TNRC6B: variants seen among roughly 807,000 people sequenced by gnomAD.
TNRC6B encodes trinucleotide repeat-containing gene 6B protein.
Under a neutral mutation model 203.6 loss-of-function variants are expected in TNRC6B, and 52 were observed. The observed-to-expected ratio is 0.26, with a 90% CI of 0.20 to 0.32. TNRC6B has a LOEUF of 0.32. Ranked by LOEUF, TNRC6B falls within the 10% of genes least tolerant of loss-of-function variation. The probability of loss-of-function intolerance (pLI) is 1.00; values close to 1 mark genes in which losing one functional copy is unlikely to be tolerated. For synonymous variants in TNRC6B, 838 were observed against 845.7 expected (o/e 0.99, Z 0.16); for missense variants, 1,923 against 2,286.2 (o/e 0.84, Z 3.24).
chr22:40,098,842 C>T (rs2068209176), intron 1 of TNRC6B, among the ~76,000 whole-genome samples: 1 of 152,138 alleles, frequency 6.6e-6, no homozygotes, highest in South Asian at 2.1e-4. Flanking sequence ...ATCCTCCTGC[C>T]TCAGCCTCTC....
intron 1 of TNRC6B, chr22:40,107,121 T>A (rs1352281487): frequency 1.6e-6 from 1 of 617,830 alleles, no homozygotes; most frequent in Non-Finnish European, 2.9e-6. Context: ...ACTCTTAATT[T>A]TCATGTAGTC....
At chr22:40,230,483 G>C (rs2069853830) in intron 1 of TNRC6B, among the ~76,000 whole-genome samples, 2 of 151,562 alleles carry the variant, frequency 1.3e-5, no homozygotes, top group South Asian at 4.2e-4. Flanking sequence ...GTAACAATGG[G>C]ATTTCACCAT....
At chr22:40,248,854 C>T (rs1383978807) in intron 2 of TNRC6B, among the ~76,000 whole-genome samples, 15 of 152,096 alleles carry the variant, frequency 9.9e-5, no homozygotes. Flanking sequence ...TGATGCGTGG[C>T]CTTTGATCTT....
chr22:40,187,777 C>A (rs1404246201), intron 1 of TNRC6B, among the ~76,000 whole-genome samples: 3 of 152,090 alleles, frequency 2.0e-5, no homozygotes, highest in African/African-American at 7.2e-5. Flanking sequence ...CGACCTGGGC[C>A]AATTGAACGC....
intron 1 of TNRC6B, among the ~76,000 whole-genome samples, chr22:40,242,112 T>C (rs148188842): frequency 0.011 from 1,638 of 152,254 alleles, 16 homozygotes; most frequent in Middle Eastern, 0.017. Context: ...GGGTGCTAAG[T>C]GTGTTCATTG....
chr22:40,307,332 C>CAGAG (rs765377222), intron 15 of TNRC6B, among the ~76,000 whole-genome samples: 14 of 152,124 alleles, frequency 9.2e-5, no homozygotes, highest in Non-Finnish European at 1.8e-4. Flanking sequence ...CATCTTGGGG[C>CAGAG]AGAGAAGCTT....
rs2071419481 is a variant in TNRC6B at position 40,327,604 on chromosome 22, T to C, written c.*4363T>C. The C allele has an allele frequency of 6.6e-6, 1 of 152,494 alleles. No individual in the cohort carries two copies. Among genetic ancestry groups the C allele is most frequent in the African/African-American group, 2.4e-5 (1 of 41,454 alleles). The allele number at this position is 152,494 out of a possible 1,614,324, so 9.4% of individuals were successfully genotyped here. A position where few individuals can be genotyped will look rare whatever the true frequency, so the allele number is the denominator to read the frequency against. Reference sequence around the variant, plus strand: ...CTTGCTGGGAGCTTTGCTTTATTGGTTGGCAGTGACCTAAGAACAGGATAT... The same window carrying C: ...CTTGCTGGGAGCTTTGCTTTATTGGCTGGCAGTGACCTAAGAACAGGATAT... On this transcript the variant is annotated 3_prime_UTR_variant, in exon 23 of 23. Transcript: ENST00000454349.
chr22:40,187,570 C>T (rs1015351301), intron 1 of TNRC6B, among the ~76,000 whole-genome samples: 2 of 152,100 alleles, frequency 1.3e-5, no homozygotes, highest in Non-Finnish European at 2.9e-5. Context: ...TTTGCACTCC[C>T]TGGAGTCAGT....
At position 40,150,323 on chromosome 22, in the gene TNRC6B, G is replaced by A. The variant is rs549655060; in HGVS notation, c.46-5792G>A. Among the ~76,000 whole-genome samples, 661 of 152,154 alleles carry A rather than the reference G, an allele frequency of 4.3e-3. 1 individual carries two copies. The highest frequency in any genetic ancestry group is 6.8e-3 in the Middle Eastern group (2 of 294). Reference sequence around the variant, plus strand: ...AACCCGGAAGGCAGAGCTTGCAGTGGGCCAAGATCGTGCCACTGCACCCCA... The same window carrying A: ...AACCCGGAAGGCAGAGCTTGCAGTGAGCCAAGATCGTGCCACTGCACCCCA... On this transcript the variant is annotated intron_variant, in intron 3 of 23. Transcript: ENST00000301923.
Position 40,305,580 on chromosome 22 carries a change from G to C in TNRC6B, c.4121-2932G>C, listed in dbSNP as rs892749649. ...CATTCCATATCCTAGCGTCAGGCTGGTTACTACGTGACATCAAAGAAAATT... is the reference window on the plus strand; with the variant it reads ...CATTCCATATCCTAGCGTCAGGCTGCTTACTACGTGACATCAAAGAAAATT... On this transcript the variant is annotated intron_variant, in intron 15 of 22. Coordinates refer to ENST00000454349, the MANE Select transcript of TNRC6B (RefSeq NM_001162501.2). Among the ~76,000 whole-genome samples the C allele has an allele frequency of 9.9e-5, 15 of 152,272 alleles. No homozygotes were observed. The South Asian group carries it at 3.1e-3, about 32-fold the overall frequency.
At chr22:40,242,691 A>G (rs181308958) in intron 1 of TNRC6B, among the ~76,000 whole-genome samples, 85 of 152,092 alleles carry the variant, frequency 5.6e-4, no homozygotes, top group African/African-American at 2.0e-3. Context: ...TGGCCTCCCA[A>G]AGTGCTGGAA....
At chr22:40,143,544 C>T (rs2146340074) in intron 3 of TNRC6B, among the ~76,000 whole-genome samples, 1 of 152,294 alleles carries the variant, frequency 6.6e-6, no homozygotes, top group East Asian at 1.9e-4. Context: ...GGCTGAAGTG[C>T]AGTGGCCCAA....
chr22:40,261,682 G>T, intron 3 of TNRC6B, 150 bp from the exon 4 acceptor site: 1 of 559,378 alleles, frequency 1.8e-6, no homozygotes, highest in Non-Finnish European at 2.8e-6. Flanking sequence ...AAGCCAAGGT[G>T]GGAGAGTCCC....
intron 1 of TNRC6B, among the ~76,000 whole-genome samples, chr22:40,060,257 G>T (rs1274242256): frequency 2.2e-5 from 3 of 138,746 alleles, no homozygotes; most frequent in Non-Finnish European, 3.0e-5. Flanking sequence ...GTCTCACTCT[G>T]TTGCCCAGGC....
intron 15 of TNRC6B, among the ~76,000 whole-genome samples, chr22:40,304,626 A>C (rs1018500139): frequency 4.6e-5 from 7 of 152,234 alleles, no homozygotes; most frequent in Non-Finnish European, 7.3e-5. Context: ...AATTTAAAAT[A>C]AGATGGTAGC....
At chr22:40,301,034 G>T in intron 14 of TNRC6B, 29 bp downstream of exon 14, 1 of 1,600,558 alleles carries the variant, frequency 6.2e-7, no homozygotes, top group Non-Finnish European at 8.5e-7. Context: ...TCCCTCCAGT[G>T]CTGTGTTGGA....
chr22:40,308,716 C>T, intron 16 of TNRC6B, 67 bp downstream of exon 16: 1 of 1,521,840 alleles, frequency 6.6e-7, no homozygotes, highest in Non-Finnish European at 8.8e-7. Context: ...TCTTATAAGA[C>T]TATTTTGAAG....
chr22:40,128,250 A>G (rs1047965049), intron 3 of TNRC6B, among the ~76,000 whole-genome samples: 1 of 152,082 alleles, frequency 6.6e-6, no homozygotes, highest in Non-Finnish European at 1.5e-5. Flanking sequence ...GGCTGATCTC[A>G]TCTCGCAGGG....
chr22:40,187,218 G>A (rs2069215768), intron 1 of TNRC6B, among the ~76,000 whole-genome samples: 1 of 152,186 alleles, frequency 6.6e-6, no homozygotes, highest in African/African-American at 2.4e-5. Flanking sequence ...CAGCGGATGT[G>A]CACTCTGAAA....
Sources: gnomAD v4.1 joint callset for allele counts (sites outside exome capture counted in the v4.1 genomes callset) on GRCh38, gnomAD v4.1.1 for gene constraint, MANE v1.5 for transcripts, NCBI Gene and HGNC (gene_info 2026-07-23, HGNC 2026-07-21) for gene names.